P2RX7: variants seen among roughly 807,000 people sequenced by gnomAD.
P2RX7 encodes P2X purinoceptor 7.
In P2RX7, 62 loss-of-function variants were observed where a neutral mutation model predicts 71.6. The ratio of observed to expected loss-of-function variants is 0.87; its 90% CI spans 0.71 to 1.07. P2RX7 has a LOEUF of 1.07. Among genes scored for constraint, P2RX7 ranks in the 50% least tolerant of loss-of-function variants. P2RX7 has a pLI of 0.00. For missense variants in P2RX7, 686 were observed against 748.5 expected (o/e 0.92, Z 0.97); for synonymous variants, 299 against 283.3 (o/e 1.06, Z -0.56).
intron 1 of P2RX7, among the ~76,000 whole-genome samples, chr12:121,144,675 G>A (rs1353525425): frequency 1.3e-5 from 2 of 152,194 alleles, no homozygotes; most frequent in African/African-American, 4.8e-5. Context: ...TGGAGGAAGG[G>A]AGGGCATTTA....
rs538696930 is a variant in P2RX7, at chr12:121,154,986, C to A, written c.294+33C>A. Reference sequence around the variant, plus strand: ...CCTCGTAGCATTCTCCCAGGCTCGTCGCTGGTCACCGTCGCCAGGGCCTAG... The same window carrying A: ...CCTCGTAGCATTCTCCCAGGCTCGTAGCTGGTCACCGTCGCCAGGGCCTAG... On this transcript the variant is annotated intron_variant, in intron 2 of 12. Coordinates refer to ENST00000328963, the MANE Select transcript of P2RX7 (RefSeq NM_002562.6). This position sits in a 1 kb window ranked among gnomAD's most constrained non-coding sequence, Gnocchi z 4.2. The A allele has an allele frequency of 2.5e-5, 40 of 1,610,808 alleles. No individual in the cohort carries two copies. The African/African-American group carries it at 3.9e-4, about 16-fold the overall frequency.
intron 9 of P2RX7, 63 bp from the exon 10 acceptor site, chr12:121,177,079 TTGCAC>T: frequency 7.3e-7 from 1 of 1,375,442 alleles, no homozygotes; most frequent in Non-Finnish European, 1.0e-6. Context: ...GAACCAACAA[TTGCAC>T]GTTGAAGCAA....
chr12:121,179,302 C>A (rs558053942), intron 11 of P2RX7, among the ~76,000 whole-genome samples: 1 of 152,098 alleles, frequency 6.6e-6, no homozygotes, highest in African/African-American at 2.4e-5. Context: ...AGTTCAAAAC[C>A]AGCCTGGCCA....
intron 8 of P2RX7, among the ~76,000 whole-genome samples, chr12:121,171,056 G>A (rs111332873): frequency 6.2e-4 from 95 of 152,216 alleles, no homozygotes; most frequent in Middle Eastern, 3.4e-3. Flanking sequence ...TGCACGACGC[G>A]CTTCTCAGGC....
chr12:121,185,082 CCAAA>C lies in P2RX7; in HGVS notation c.*281_*284del. The C allele has an allele frequency of 5.1e-6, 1 of 195,716 alleles. No individual in the cohort carries two copies. The allele number at this position is 195,716 out of a possible 1,614,324, so 12.1% of individuals were successfully genotyped here. On this transcript the variant is annotated 3_prime_UTR_variant, in exon 13 of 13. Transcript: ENST00000328963. ...CCTGGGAGGCACAGCAAACTGTCCCCCAAAAAAAAAAAAGAGTCCTTACCAATAG... is the reference window on the plus strand; with the variant it reads ...CCTGGGAGGCACAGCAAACTGTCCCCAAAAAAAAAGAGTCCTTACCAATAG...
chr12:121,167,232 G>C (rs1448195056), intron 7 of P2RX7, among the ~76,000 whole-genome samples: 1 of 151,942 alleles, frequency 6.6e-6, no homozygotes, highest in South Asian at 2.1e-4. Context: ...GTACAGGAGT[G>C]GTCTGTTGAA....
chr12:121,154,710 T>C lies in P2RX7; in HGVS notation c.126-75T>C, dbSNP rs1280810524. 1.1e-5 allele frequency: 10 copies of C among 923,214 alleles called. No homozygotes were observed. In the East Asian group the frequency reaches 2.4e-4, roughly 22 times the overall value. The allele number at this position is 923,214 out of a possible 1,614,324, so 57.2% of individuals were successfully genotyped here. ...GAGCTAGGATTGGAACAGAAGTGCC[T>C]GCATCCTCCAACGCCTGCATCCCAA... is the stretch of plus-strand genomic sequence containing the variant. On this transcript the variant is annotated intron_variant, in intron 1 of 12. Transcript: ENST00000328963. This position sits in a 1 kb window ranked among gnomAD's most constrained non-coding sequence, Gnocchi z 4.2.
At position 121,185,023 on chromosome 12, in the gene P2RX7, T is replaced by C; in HGVS notation, c.*221T>C. 1 of 498,122 alleles carries C rather than the reference T, an allele frequency of 2.0e-6. No homozygotes were observed. Among genetic ancestry groups the C allele is most frequent in the Non-Finnish European group, 3.6e-6 (1 of 278,218 alleles). 30.9% of individuals were successfully genotyped at this position (498,122 alleles called of 1,614,324 possible). ...TCACTTGAACCCGGGAGGCAGAGGT[T>C]GTAGTGAGCCCAGATTGTGCCACTG... On this transcript the variant is annotated 3_prime_UTR_variant, in exon 13 of 13. Coordinates refer to ENST00000328963, the MANE Select transcript of P2RX7 (RefSeq NM_002562.6).
At chr12:121,168,121 CATATAT>C (rs138650166) in intron 8 of P2RX7, among the ~76,000 whole-genome samples, 2 of 150,832 alleles carry the variant, frequency 1.3e-5, no homozygotes, top group South Asian at 4.2e-4. Context: ...GAGATAATAG[CATATAT>C]ATATATATCT....
chr12:121,141,063 G>A (rs1030692419), intron 1 of P2RX7, among the ~76,000 whole-genome samples: 1 of 152,140 alleles, frequency 6.6e-6, no homozygotes, highest in Non-Finnish European at 1.5e-5. Context: ...TCCAGCCTGG[G>A]CAACAGAGTG....
At position 121,149,539 on chromosome 12, in the gene P2RX7, C is replaced by T. The variant is rs1003012314; in HGVS notation, c.126-5246C>T. ...TATAAAACCATCAGATCCCATGAGA[C>T]TTACTCACTATCACGAGAACAGTAT... On this transcript the variant is annotated intron_variant, in intron 1 of 12. Coordinates refer to ENST00000328963, the MANE Select transcript of P2RX7 (RefSeq NM_002562.6). This position sits in a 1 kb window ranked among gnomAD's most constrained non-coding sequence, Gnocchi z 4.7. Among the ~76,000 whole-genome samples, 1 of 152,170 alleles carries T rather than the reference C, an allele frequency of 6.6e-6. No homozygotes were observed. The highest frequency in any genetic ancestry group is 2.4e-5 in the African/African-American group (1 of 41,436).
chr12:121,178,637 C>T (rs1248786725), intron 11 of P2RX7, among the ~76,000 whole-genome samples: 1 of 151,646 alleles, frequency 6.6e-6, no homozygotes, highest in Admixed American at 6.6e-5. Context: ...ACTAAAAATA[C>T]AAAAATTAGC....
At chr12:121,138,135 G>C (rs963704251) in intron 1 of P2RX7, among the ~76,000 whole-genome samples, 1 of 152,176 alleles carries the variant, frequency 6.6e-6, no homozygotes, top group South Asian at 2.1e-4. Context: ...TAACCACAAA[G>C]CCTCAAAGGG....
intron 3 of P2RX7, among the ~76,000 whole-genome samples, chr12:121,157,075 G>A (rs946847429): frequency 1.4e-4 from 22 of 152,170 alleles, no homozygotes; most frequent in African/African-American, 5.3e-4. Context: ...TTTCTTCTAA[G>A]TTTATCTATA....
At chr12:121,172,517 A>G (rs1186450747) in intron 8 of P2RX7, among the ~76,000 whole-genome samples, 3 of 152,188 alleles carry the variant, frequency 2.0e-5, no homozygotes, top group Non-Finnish European at 4.4e-5. Flanking sequence ...CTGTAGTCCC[A>G]GCTGCCGGGA....
chr12:121,160,905 C>T lies in P2RX7; in HGVS notation c.367C>T (p.Pro123Ser). 1.2e-6 allele frequency: 2 copies of T among 1,612,822 alleles called. No individual in the cohort carries two copies. Among genetic ancestry groups the T allele is most frequent in the South Asian group, 1.1e-5 (1 of 91,070 alleles). Residue 123 changes from proline to serine, a missense_variant, in exon 4 of 13, where the codon CCC becomes TCC. Transcript: ENST00000328963. ...TCTGTCATCCTTCTATCTGCAGTAT[C>T]CCACCCGCAGGACGCTCTGTTCCTC... ...GQEQRLCPEY[P>S]TRRTLCSSDR...
At chr12:121,133,213 C>A in intron 1 of P2RX7, 118 bp downstream of exon 1, 1 of 1,160,408 alleles carries the variant, frequency 8.6e-7, no homozygotes, top group Non-Finnish European at 1.3e-6. Context: ...CTGAGACGTG[C>A]TCTCACAGCC....
At chr12:121,146,535 C>G (rs112725652) in intron 1 of P2RX7, among the ~76,000 whole-genome samples, 5,450 of 151,828 alleles carry the variant, frequency 0.036, 311 homozygotes, top group African/African-American at 0.12. Context: ...CCAGTGATCC[C>G]CCTGCCTCAG....
intron 7 of P2RX7, among the ~76,000 whole-genome samples, 176 bp from the exon 8 acceptor site, chr12:121,167,312 C>T (rs887698862): frequency 1.3e-5 from 2 of 152,028 alleles, no homozygotes; most frequent in African/African-American, 2.4e-5. Flanking sequence ...TGAGGAGATG[C>T]GATTGTGGCT....
Sources: allele counts gnomAD v4.1 joint callset (sites outside exome capture counted in the v4.1 genomes callset), GRCh38; gene constraint gnomAD v4.1.1; non-coding constraint Gnocchi (gnomAD v3.1); transcripts MANE v1.5; gene names NCBI Gene and HGNC (gene_info 2026-07-23, HGNC 2026-07-21).